The following MAP3K2 variants were observed in gnomAD, a reference collection of about 807,000 sequenced individuals.
The protein encoded by MAP3K2 is mitogen-activated protein kinase kinase kinase 2, also known as MAP/ERK kinase kinase 2.
MAP3K2 carries 24 observed loss-of-function variants against 80.3 expected under a neutral mutation model. That is an observed-to-expected ratio of 0.30 (90% CI 0.22 to 0.42). The LOEUF (loss-of-function observed/expected upper bound fraction) is 0.42, where lower values mean the gene tolerates loss of function less well. MAP3K2 is among the 10% of genes least tolerant of loss of function. The pLI is 1.00. For synonymous variants in MAP3K2, 244 were observed against 253.7 expected, an observed-to-expected ratio of 0.96 and a Z score of 0.36; for missense variants, 608 against 750.1, an observed-to-expected ratio of 0.81 and a Z score of 2.21.
At chr2:127,336,506 T>C (rs536216038) in intron 4 of MAP3K2, among the ~76,000 whole-genome samples, 1 of 152,312 alleles carries the variant, frequency 6.6e-6, no homozygotes, top group South Asian at 2.1e-4. Context: ...GTGCTGCCCC[T>C]AGAGAGCATG....
chr2:127,339,091 G>T lies in MAP3K2; in HGVS notation c.5-41C>A. ...ACAACACATACATAGAATTGTAATT[G>T]TGACATATATATCAACATGTATAGA... On this transcript the variant is annotated intron_variant, in intron 2 of 16. Transcript: ENST00000682094. This position sits in a 1 kb window ranked among gnomAD's most constrained non-coding sequence, Gnocchi z 4.2. 8.2e-7 allele frequency: 1 copy of T among 1,214,356 alleles called. No individual in the cohort carries two copies. Among genetic ancestry groups the T allele is most frequent in the Non-Finnish European group, 1.2e-6 (1 of 837,300 alleles). The allele number at this position is 1,214,356 out of a possible 1,614,324, so 75.2% of individuals were successfully genotyped here. A position where few individuals can be genotyped will look rare whatever the true frequency, so the allele number is the denominator to read the frequency against.
chr2:127,361,416 T>C (rs115285664), intron 1 of MAP3K2, among the ~76,000 whole-genome samples: 1,810 of 151,434 alleles, frequency 0.012, 36 homozygotes, highest in African/African-American at 0.042. Context: ...CCAGAATGAA[T>C]AAAAGAAATA....
chr2:127,387,073 A>G (rs770797155), intron 1 of MAP3K2, among the ~76,000 whole-genome samples: 5 of 152,010 alleles, frequency 3.3e-5, no homozygotes, highest in Non-Finnish European at 7.3e-5. Flanking sequence ...AAAGGGGGAA[A>G]CAACCTTACA....
At chr2:127,347,264 A>C (rs1686613770) in intron 1 of MAP3K2, among the ~76,000 whole-genome samples, 3 of 152,240 alleles carry the variant, frequency 2.0e-5, no homozygotes, top group Middle Eastern at 6.8e-3. Flanking sequence ...AAAATGAAAT[A>C]AACGGAATCC....
intron 4 of MAP3K2, 47 bp downstream of exon 4, chr2:127,337,691 A>G: frequency 9.3e-7 from 1 of 1,076,120 alleles, no homozygotes; most frequent in Non-Finnish European, 1.4e-6. Context: ...ATTAGAATAC[A>G]CATTTGATTA....
intron 1 of MAP3K2, among the ~76,000 whole-genome samples, chr2:127,376,393 A>T (rs899630971): frequency 6.6e-6 from 1 of 152,114 alleles, no homozygotes; most frequent in African/African-American, 2.4e-5. Flanking sequence ...TTAAATCTAT[A>T]CTGAATAAAT....
At chr2:127,356,601 C>T (rs947203193) in intron 1 of MAP3K2, among the ~76,000 whole-genome samples, 1 of 152,216 alleles carries the variant, frequency 6.6e-6, no homozygotes, top group African/African-American at 2.4e-5. Context: ...GATCCTCCCA[C>T]TTTGGCCTCC....
In MAP3K2 at chr2:127,302,992, C is replaced by T. The variant is rs941806193; in HGVS notation, c.*4587G>A. On this transcript the variant is annotated 3_prime_UTR_variant, in exon 17 of 17. Coordinates refer to ENST00000682094, the MANE Select transcript of MAP3K2 (RefSeq NM_001371910.2). ...TCTAAGGCCAAATGAACTTGTGAAG[C>T]CTACTGATTTTGGAAAAAATCTTCA... 6.6e-6 allele frequency: 1 copy of T among 151,810 alleles called. No homozygotes were observed. Among genetic ancestry groups the T allele is most frequent in the Admixed American group, 6.6e-5 (1 of 15,238 alleles). The allele number at this position is 151,810 out of a possible 1,614,324, so 9.4% of individuals were successfully genotyped here.
intron 1 of MAP3K2, among the ~76,000 whole-genome samples, chr2:127,375,704 C>A (rs1687140842): frequency 6.6e-6 from 1 of 152,128 alleles, no homozygotes; most frequent in Non-Finnish European, 1.5e-5. Flanking sequence ...CTGCCTGCAA[C>A]TAGTACCTGC....
rs1174459087 is a variant in MAP3K2 at position 127,308,778 on chromosome 2, T to G, written c.1457-16A>C. ...ATATTTGCGCCTAAAAATAAGACAT[T>G]GCCTCATTTCATTAATTTTATTGGC... On this transcript the variant is annotated splice_polypyrimidine_tract_variant and intron_variant, in intron 15 of 16. Transcript: ENST00000682094. The G allele has an allele frequency of 6.2e-7, 1 of 1,606,330 alleles. No homozygotes were observed. The highest frequency in any genetic ancestry group is 1.7e-5 in the Admixed American group (1 of 59,636).
intron 1 of MAP3K2, among the ~76,000 whole-genome samples, chr2:127,346,968 G>A (rs1349279300): frequency 6.6e-6 from 1 of 151,938 alleles, no homozygotes; most frequent in Admixed American, 6.5e-5. Flanking sequence ...TCTAGCCCGC[G>A]CGACAGAGCG....
chr2:127,351,193 T>C lies in MAP3K2; in HGVS notation c.-65-7999A>G, dbSNP rs530898003. ...CTAAAATGAGCATTATTGGGACTAC[T>C]GGCAAAACTTGAATGGGTTCTGTGG... is the stretch of plus-strand genomic sequence containing the variant. On this transcript the variant is annotated intron_variant, in intron 1 of 16. Coordinates refer to ENST00000682094, the MANE Select transcript of MAP3K2 (RefSeq NM_001371910.2). Among the ~76,000 whole-genome samples the C allele has an allele frequency of 5.9e-5, 9 of 152,250 alleles. No homozygotes were observed. The East Asian group carries it at 1.5e-3, about 26-fold the overall frequency.
chr2:127,369,641 A>G (rs1687029840), intron 1 of MAP3K2, among the ~76,000 whole-genome samples: 1 of 152,154 alleles, frequency 6.6e-6, no homozygotes, highest in Non-Finnish European at 1.5e-5. Flanking sequence ...TTTTCCACAG[A>G]AAACACTGTC....
intron 2 of MAP3K2, among the ~76,000 whole-genome samples, chr2:127,341,699 A>T (rs1686494432): frequency 6.6e-6 from 1 of 151,356 alleles, no homozygotes; most frequent in African/African-American, 2.4e-5. Context: ...TGCCTGGCTA[A>T]TTTTTTGTAT....
Position 127,358,759 on chromosome 2 carries a change from C to T in MAP3K2, c.-65-15565G>A, listed in dbSNP as rs749268857. On this transcript the variant is annotated intron_variant, in intron 1 of 16. Coordinates refer to ENST00000682094, the MANE Select transcript of MAP3K2 (RefSeq NM_001371910.2). Reference sequence around the variant, plus strand: ...ACCAGCCCGGCCAATATGGCAAAACCCGTCTCTACTAAAAATACAAAAATT... The same window carrying T: ...ACCAGCCCGGCCAATATGGCAAAACTCGTCTCTACTAAAAATACAAAAATT... Among the ~76,000 whole-genome samples the T allele has an allele frequency of 6.3e-4, 96 of 152,026 alleles. 1 individual carries two copies. Among genetic ancestry groups the T allele is most frequent in the Middle Eastern group, 3.2e-3 (1 of 316 alleles).
chr2:127,373,293 TAC>T (rs1195772190), intron 1 of MAP3K2, among the ~76,000 whole-genome samples: 4 of 152,210 alleles, frequency 2.6e-5, no homozygotes, highest in Admixed American at 2.6e-4. Context: ...TAGCAAAGAA[TAC>T]ACAGTTAAGA....
At chr2:127,363,213 G>A (rs778807174) in intron 1 of MAP3K2, among the ~76,000 whole-genome samples, 2 of 152,134 alleles carry the variant, frequency 1.3e-5, no homozygotes, top group Admixed American at 1.3e-4. Context: ...GATACCAAGG[G>A]ATGACTGTGT....
Position 127,330,396 on chromosome 2 carries a change from G to A in MAP3K2, c.374C>T (p.Thr125Ile), listed in dbSNP as rs765283417. The change falls in exon 6 of 17, where the codon ACA becomes ATA. Residue 125 changes from threonine (T) to isoleucine (I), a missense_variant. By Grantham distance (89) the Thr-to-Ile change is moderately conservative. This residue lies in a region of MAP3K2 where 467 missense variants were observed against 521.9 expected (regional missense o/e 0.89). Coordinates refer to ENST00000682094, the MANE Select transcript of MAP3K2 (RefSeq NM_001371910.2). ...AAAAAATATCCCAAATCATACCTGTGTACTTCCATTTATTACAAGTAATAT... is the reference window on the plus strand; with the variant it reads ...AAAAAATATCCCAAATCATACCTGTATACTTCCATTTATTACAAGTAATAT... ...LKILLVINGS[T>I]QATNLEPLPS... The A allele has an allele frequency of 4.6e-6, 7 of 1,533,640 alleles. No individual in the cohort carries two copies. The highest frequency in any genetic ancestry group is 1.7e-4 in the Middle Eastern group (1 of 5,928).
chr2:127,306,721 T>G lies in MAP3K2; in HGVS notation c.*858A>C, dbSNP rs1461486437. The G allele has an allele frequency of 1.3e-5, 2 of 152,160 alleles. No individual in the cohort carries two copies. The highest frequency in any genetic ancestry group is 2.9e-5 in the Non-Finnish European group (2 of 68,020). 9.4% of individuals were successfully genotyped at this position (152,160 alleles called of 1,614,324 possible). ...GTTTAAAATACACTAAACACCTAAT[T>G]TTTTTTCATTATTTCTATTGACTGT... On this transcript the variant is annotated 3_prime_UTR_variant, in exon 17 of 17. Coordinates refer to ENST00000682094, the MANE Select transcript of MAP3K2 (RefSeq NM_001371910.2). This position sits in a 1 kb window ranked among gnomAD's most constrained non-coding sequence, Gnocchi z 4.7.
Sources: allele counts gnomAD v4.1 joint callset (sites outside exome capture counted in the v4.1 genomes callset), GRCh38; gene constraint gnomAD v4.1.1; regional missense constraint gnomAD v4.1.1; non-coding constraint Gnocchi (gnomAD v3.1); transcripts MANE v1.5; gene names NCBI Gene and HGNC (gene_info 2026-07-23, HGNC 2026-07-21).